Variants in GRIA3 observed in about 807,000 individuals in gnomAD.
GRIA3 encodes glutamate receptor 3.
In GRIA3, 3 loss-of-function variants were observed where a neutral mutation model predicts 63.0. That is an observed-to-expected ratio of 0.05 (90% confidence interval 0.02 to 0.12). The LOEUF (loss-of-function observed/expected upper bound fraction) is 0.12. Ranked by LOEUF, GRIA3 falls within the 10% of genes least tolerant of loss-of-function variation. The pLI, the probability that GRIA3 is intolerant of heterozygous loss-of-function variation, is 1.00. For synonymous variants in GRIA3, 274 were observed against 257.9 expected (o/e 1.06, Z -0.60); for missense variants, 347 against 700.9 (o/e 0.50, Z 5.70).
At chrX:123,273,291 G>A (rs1431646057) in intron 3 of GRIA3, among the ~76,000 whole-genome samples, 3 of 111,582 alleles carry the variant, frequency 2.7e-5, no homozygotes, top group East Asian at 2.8e-4. Flanking sequence ...CCCTCTCTCA[G>A]GAAGACATGC....
chrX:123,389,867 G>T (rs949677140), intron 5 of GRIA3, among the ~76,000 whole-genome samples: 1 of 110,030 alleles, frequency 9.1e-6, no homozygotes, highest in Non-Finnish European at 1.9e-5. Flanking sequence ...CACCACGCCC[G>T]GCTAATTTTT....
chrX:123,205,699 C>T (rs886455163), intron 2 of GRIA3, among the ~76,000 whole-genome samples: 4 of 111,709 alleles, frequency 3.6e-5, no homozygotes, highest in Non-Finnish European at 5.6e-5. Flanking sequence ...AACTCAGTAC[C>T]GGAGCTGGAG....
At chrX:123,310,774 G>A (rs927873196) in intron 3 of GRIA3, among the ~76,000 whole-genome samples, 6 of 112,090 alleles carry the variant, frequency 5.4e-5, no homozygotes, top group African/African-American at 1.3e-4. Flanking sequence ...AGGCCAAGGC[G>A]GGCGGATCAC....
At chrX:123,283,772 A>G (rs1289146323) in intron 3 of GRIA3, among the ~76,000 whole-genome samples, 1 of 112,750 alleles carries the variant, frequency 8.9e-6, no homozygotes, top group Non-Finnish European at 1.9e-5. Flanking sequence ...TAAAACTCCT[A>G]TCTCTCTGGG....
At chrX:123,193,624 T>C (rs1447183880) in intron 2 of GRIA3, among the ~76,000 whole-genome samples, 2 of 112,007 alleles carry the variant, frequency 1.8e-5, no homozygotes, top group African/African-American at 6.5e-5. Context: ...GCTTACCCAG[T>C]GTCATTTGAG....
At chrX:123,202,599 C>T (rs1276184355) in intron 2 of GRIA3, 3 of 1,154,720 alleles carry the variant, frequency 2.6e-6, no homozygotes, top group Non-Finnish European at 1.2e-6. Flanking sequence ...AGACCTATGG[C>T]CAGAAGCAGC....
chrX:123,449,334 C>T (rs1239915246), intron 12 of GRIA3, among the ~76,000 whole-genome samples: 4 of 112,447 alleles, frequency 3.6e-5, no homozygotes, highest in African/African-American at 1.3e-4. Context: ...AATGAAATAG[C>T]AGCAAATTAG....
chrX:123,286,642 G>T (rs770703072), intron 3 of GRIA3, among the ~76,000 whole-genome samples: 1 of 111,531 alleles, frequency 9.0e-6, no homozygotes, highest in East Asian at 2.8e-4. Context: ...ACACCTCTAC[G>T]CAAATAAACC....
chrX:123,359,565 G>T (rs933340345), intron 5 of GRIA3, among the ~76,000 whole-genome samples: 1 of 111,139 alleles, frequency 9.0e-6, no homozygotes, highest in African/African-American at 3.3e-5. Flanking sequence ...AGTCCAAGGG[G>T]GCAAAAACCA....
At position 123,196,635 on chromosome X, in the gene GRIA3, A is replaced by AT. The variant is rs753337150; in HGVS notation, c.268+10651dup. Among the ~76,000 whole-genome samples, 86 of 111,295 alleles carry AT rather than the reference A, an allele frequency of 7.7e-4. 1 individual carries two copies. The highest frequency in any genetic ancestry group is 2.7e-3 in the African/African-American group (83 of 30,589). Reference sequence around the variant, plus strand: ...ATTTACAAATTGAACCTACAGTACCATTTTTTCTAAGGGATAATATTATAG... The same window carrying AT: ...ATTTACAAATTGAACCTACAGTACCATTTTTTTCTAAGGGATAATATTATAG... On this transcript the variant is annotated intron_variant, in intron 2 of 15. Coordinates refer to ENST00000620443, the MANE Select transcript of GRIA3 (RefSeq NM_007325.5).
intron 5 of GRIA3, among the ~76,000 whole-genome samples, chrX:123,377,988 A>G (rs1459906426): frequency 1.8e-5 from 2 of 112,176 alleles, no homozygotes; most frequent in African/African-American, 6.5e-5. Context: ...TCCTCTATCG[A>G]GATCCTCAAT....
At chrX:123,464,663 A>G (rs999904046) in intron 12 of GRIA3, among the ~76,000 whole-genome samples, 3 of 111,633 alleles carry the variant, frequency 2.7e-5, no homozygotes, top group Non-Finnish European at 5.6e-5. Flanking sequence ...ATCAGAGAGC[A>G]TCACACATAG....
At chrX:123,332,749 AG>A (rs1005075139) in intron 4 of GRIA3, among the ~76,000 whole-genome samples, 3 of 111,825 alleles carry the variant, frequency 2.7e-5, no homozygotes, top group African/African-American at 9.8e-5. Context: ...TTGGAGGGAC[AG>A]GGATACAGAA....
chrX:123,409,364 A>C (rs982813823), intron 10 of GRIA3, among the ~76,000 whole-genome samples: 1 of 112,365 alleles, frequency 8.9e-6, no homozygotes, highest in Non-Finnish European at 1.9e-5. Context: ...AAGAATAAGG[A>C]AGCCAATCAG....
intron 2 of GRIA3, among the ~76,000 whole-genome samples, chrX:123,250,373 A>C (rs1176261451): frequency 1.8e-5 from 2 of 112,329 alleles, no homozygotes; most frequent in Non-Finnish European, 3.8e-5. Flanking sequence ...GAGCAATACA[A>C]GATTTTTTTT....
chrX:123,226,043 A>G (rs182318816), intron 2 of GRIA3, among the ~76,000 whole-genome samples: 8 of 111,417 alleles, frequency 7.2e-5, no homozygotes, highest in Non-Finnish European at 1.1e-4. Flanking sequence ...TAGAAACCCT[A>G]TTTGCTGAGA....
rs761663747 is a variant in GRIA3, at chrX:123,326,094, G to A, written c.577G>A (p.Val193Met). ...QNNWQVTARS[V>M]GNIKDVQEFR... ...CAACTGGCAAGTAACAGCAAGGTCT[G>A]TGGGAAACATAAAGGACGTCCAAGA... is the stretch of plus-strand genomic sequence containing the variant. Residue 193 changes from valine (V) to methionine (M), a missense_variant, in exon 4 of 16, where the codon GTG becomes ATG. Val to Met is a conservative substitution (Grantham distance 21, BLOSUM62 1). This residue lies in a region of GRIA3 where 113 missense variants were observed against 130.6 expected (regional missense o/e 0.87). Transcript: ENST00000620443. The A allele has an allele frequency of 7.9e-5, 95 of 1,206,181 alleles. No homozygotes were observed. The South Asian group carries it at 1.6e-3, about 20-fold the overall frequency.
intron 4 of GRIA3, among the ~76,000 whole-genome samples, chrX:123,351,345 CA>C (rs1024822996): frequency 1.8e-5 from 2 of 111,706 alleles, no homozygotes; most frequent in Non-Finnish European, 3.8e-5. Flanking sequence ...AGATCAAGAG[CA>C]AAACATGACA....
chrX:123,194,688 A>G lies in GRIA3; in HGVS notation c.268+8698A>G, dbSNP rs752143407. On this transcript the variant is annotated intron_variant, in intron 2 of 15. Transcript: ENST00000620443. ...GTATTGAATCAGAAACTATCAAGAT[A>G]AGCATTTTACCAAGGTCTATGGGCG... Among the ~76,000 whole-genome samples the G allele has an allele frequency of 4.9e-4, 55 of 112,191 alleles. 1 individual carries two copies. The highest frequency in any genetic ancestry group is 1.7e-3 in the African/African-American group (53 of 30,887).
Sources: gnomAD v4.1 joint callset for allele counts (sites outside exome capture counted in the v4.1 genomes callset) on GRCh38, gnomAD v4.1.1 for gene constraint, gnomAD v4.1.1 regional missense constraint, MANE v1.5 for transcripts, NCBI Gene and HGNC (gene_info 2026-07-23, HGNC 2026-07-21) for gene names.